ASH1L: variants seen among roughly 807,000 people sequenced by gnomAD.
The protein encoded by ASH1L is ASH1 like histone lysine methyltransferase.
In ASH1L, 23 loss-of-function variants were observed where a neutral mutation model predicts 269.0. That is an observed-to-expected ratio of 0.09 (90% CI 0.06 to 0.12). ASH1L has a LOEUF of 0.12. Among genes scored for constraint, ASH1L ranks in the 10% least tolerant of loss-of-function variants. The pLI, the probability that ASH1L is intolerant of heterozygous loss-of-function variation, is 1.00. For synonymous variants in ASH1L, 1,187 were observed against 1,253.5 expected (o/e 0.95, Z 1.12); for missense variants, 2,912 against 3,567.8 (o/e 0.82, Z 4.68).
In ASH1L at chr1:155,430,625, G is replaced by A. The variant is rs774254207; in HGVS notation, c.5828+7702C>T. On this transcript the variant is annotated intron_variant, in intron 5 of 27. Transcript: ENST00000392403. The stretch of plus-strand genomic sequence containing the variant: ...ATTCCCTTTCTCATTCCTATTGATC[G>A]GCTTTACCAGAAGTTTGTCTATTTT... Among the ~76,000 whole-genome samples the A allele has an allele frequency of 2.0e-5, 3 of 151,460 alleles. No individual in the cohort carries two copies. In the South Asian group the frequency reaches 6.3e-4, roughly 32 times the overall value.
chr1:155,555,544 G>A (rs946616517), intron 1 of ASH1L, among the ~76,000 whole-genome samples: 3 of 150,522 alleles, frequency 2.0e-5, no homozygotes, highest in Admixed American at 6.6e-5. Context: ...TGAAAATCTA[G>A]GGACTAAAAA....
intron 1 of ASH1L, among the ~76,000 whole-genome samples, chr1:155,525,854 C>T (rs72704191): frequency 0.016 from 2,493 of 152,136 alleles, 36 homozygotes; most frequent in Non-Finnish European, 0.026. Flanking sequence ...ATGCTCAAGT[C>T]ACTTATATAA....
chr1:155,438,791 G>C lies in ASH1L; in HGVS notation c.5364C>G (p.Ser1788Arg), dbSNP rs200785312. 1 of 1,614,214 alleles carries C rather than the reference G, an allele frequency of 6.2e-7. No homozygotes were observed. Among genetic ancestry groups the C allele is most frequent in the Admixed American group, 1.7e-5 (1 of 60,014 alleles). Residue 1788 changes from serine to arginine, a missense_variant, in exon 5 of 28, where the codon AGC becomes AGG. Coordinates refer to ENST00000392403, the MANE Select transcript of ASH1L (RefSeq NM_018489.3). ...SISLLSEKLT[S>R]SCSPHHIKRS... The stretch of plus-strand genomic sequence containing the variant: ...TCTTGATATGATGGGGGGAACAGCT[G>C]CTTGTCAACTTTTCAGATAGGAGTG...
At chr1:155,457,013 G>GC (rs1663909207) in intron 4 of ASH1L, among the ~76,000 whole-genome samples, 1 of 152,038 alleles carries the variant, frequency 6.6e-6, no homozygotes, top group African/African-American at 2.4e-5. Flanking sequence ...CTTTACTATG[G>GC]CCCTTTCCCC....
intron 2 of ASH1L, among the ~76,000 whole-genome samples, chr1:155,504,252 T>C: frequency 6.6e-6 from 1 of 152,188 alleles, no homozygotes; most frequent in East Asian, 1.9e-4. Flanking sequence ...TATATACACA[T>C]ACGGAGAATC....
chr1:155,343,419 G>A lies in ASH1L; in HGVS notation c.8188C>T (p.Arg2730Trp), dbSNP rs1370863385. 3 of 1,614,032 alleles carry A rather than the reference G, an allele frequency of 1.9e-6. No individual in the cohort carries two copies. Among genetic ancestry groups the A allele is most frequent in the African/African-American group, 2.7e-5 (2 of 74,896 alleles). Residue 2730 changes from arginine to tryptophan, a missense_variant, in exon 24 of 28, where the codon CGG becomes TGG. Arg to Trp is a moderately radical substitution (Grantham distance 101). Transcript: ENST00000392403. The surrounding 1 kb of genome is among the most constrained non-coding windows in gnomAD (Gnocchi z 6.1). ...PHETHHSPSR[R>W]FYHNELFRVP... ...CGAAATAGTTCATTATGATAGAACCGACGGGATGGAGAGTGGTGTGTTTCG... is the reference window on the plus strand; with the variant it reads ...CGAAATAGTTCATTATGATAGAACCAACGGGATGGAGAGTGGTGTGTTTCG...
At chr1:155,418,549 A>G (rs1199507738) in intron 5 of ASH1L, among the ~76,000 whole-genome samples, 1 of 152,106 alleles carries the variant, frequency 6.6e-6, no homozygotes, top group Admixed American at 6.6e-5. Context: ...ACAATTGGAC[A>G]CTTGTAAAGG....
intron 3 of ASH1L, among the ~76,000 whole-genome samples, chr1:155,465,891 G>T (rs1265586174): frequency 6.6e-6 from 1 of 152,104 alleles, no homozygotes; most frequent in Non-Finnish European, 1.5e-5. Context: ...AGCCACCTTG[G>T]AACCTTCTTG....
At chr1:155,530,526 G>C (rs982832548) in intron 1 of ASH1L, among the ~76,000 whole-genome samples, 1 of 150,244 alleles carries the variant, frequency 6.7e-6, no homozygotes, top group Non-Finnish European at 1.5e-5. Context: ...AGGAGTTTGA[G>C]ACCAGCCTGG....
At chr1:155,558,251 C>T (rs1307067041) in intron 1 of ASH1L, among the ~76,000 whole-genome samples, 1 of 152,002 alleles carries the variant, frequency 6.6e-6, no homozygotes, top group Non-Finnish European at 1.5e-5. Context: ...GGTGGATCAC[C>T]AGAGGTCAGG....
chr1:155,357,133 T>A (rs11264364), intron 15 of ASH1L, among the ~76,000 whole-genome samples, 183 bp downstream of exon 15: 17,936 of 22,382 alleles, frequency 0.8, 7,271 homozygotes, highest in East Asian at 0.92. Flanking sequence ...GGGTAAGACT[T>A]AAAAAAAAAA....
intron 7 of ASH1L, among the ~76,000 whole-genome samples, chr1:155,392,711 A>C (rs1558058598): frequency 6.6e-6 from 1 of 150,834 alleles, no homozygotes; most frequent in East Asian, 1.9e-4. Context: ...CTGGTCTTGA[A>C]CTCCTGACCT....
chr1:155,559,305 G>A (rs1322289373), intron 1 of ASH1L, among the ~76,000 whole-genome samples: 4 of 152,086 alleles, frequency 2.6e-5, no homozygotes, highest in South Asian at 4.1e-4. Context: ...TTGGGAGGCC[G>A]AGGCGGGTGG....
At chr1:155,499,882 G>A (rs937546491) in intron 2 of ASH1L, among the ~76,000 whole-genome samples, 1 of 151,952 alleles carries the variant, frequency 6.6e-6, no homozygotes, top group Non-Finnish European at 1.5e-5. Context: ...AATGAAATGA[G>A]AAACATTCAC....
In ASH1L at chr1:155,413,378, G is replaced by T. The variant is rs142348737; in HGVS notation, c.6008+2366C>A. On this transcript the variant is annotated intron_variant, in intron 6 of 27. Transcript: ENST00000392403. ...CCTAGCACTCTGGGAGGCAGAGGAG[G>T]GCGGATCACCTGAGGTCAGGAATTC... Among the ~76,000 whole-genome samples, 442 of 152,248 alleles carry T rather than the reference G, an allele frequency of 2.9e-3. 1 individual carries two copies. Among genetic ancestry groups the T allele is most frequent in the Non-Finnish European group, 4.4e-3 (298 of 68,004 alleles).
chr1:155,555,635 A>C (rs562087875), intron 1 of ASH1L, among the ~76,000 whole-genome samples: 2 of 152,198 alleles, frequency 1.3e-5, no homozygotes, highest in Non-Finnish European at 2.9e-5. Context: ...ATTTGAAAAA[A>C]GCTGATAAGC....
intron 19 of ASH1L, among the ~76,000 whole-genome samples, 177 bp downstream of exon 19, chr1:155,349,150 A>C (rs1653652698): frequency 6.6e-6 from 1 of 151,998 alleles, no homozygotes; most frequent in Admixed American, 6.6e-5. Context: ...CAATGTCTTC[A>C]TAGATAGCCT....
chr1:155,424,649 C>T (rs1000381068), intron 5 of ASH1L, among the ~76,000 whole-genome samples: 15 of 152,182 alleles, frequency 9.9e-5, no homozygotes, highest in East Asian at 3.9e-4. Context: ...TCAGGTGATC[C>T]GCCTGCCTTG....
In ASH1L at chr1:155,480,292, T is replaced by C. The variant is rs2148726226; in HGVS notation, c.2578A>G (p.Lys860Glu). 1.9e-6 allele frequency: 3 copies of C among 1,614,194 alleles called. No homozygotes were observed. Among genetic ancestry groups the C allele is most frequent in the Non-Finnish European group, 2.5e-6 (3 of 1,180,020 alleles). ...PASKVFSLQS[K>E]EEQEPPILQP... Reference sequence around the variant, plus strand: ...AAAATTGGGGGTTCTTGTTCTTCCTTAGACTGTAAAGAAAACACTTTAGAA... The same window carrying C: ...AAAATTGGGGGTTCTTGTTCTTCCTCAGACTGTAAAGAAAACACTTTAGAA... Residue 860 changes from lysine to glutamate, a missense_variant, in exon 3 of 28, where the codon AAG becomes GAG. Lys to Glu is a moderately conservative substitution (Grantham distance 56). Transcript: ENST00000392403.
Sources: gnomAD v4.1 joint callset for allele counts (sites outside exome capture counted in the v4.1 genomes callset) on GRCh38, gnomAD v4.1.1 for gene constraint, Gnocchi (gnomAD v3.1) non-coding constraint, MANE v1.5 for transcripts, NCBI Gene and HGNC (gene_info 2026-07-23, HGNC 2026-07-21) for gene names.